The following PDE1B variants were observed in gnomAD, a reference collection of about 807,000 sequenced individuals.
The protein encoded by PDE1B is phosphodiesterase 1B.
Under a neutral mutation model 66.7 loss-of-function variants are expected in PDE1B, and 13 were observed. That is an observed-to-expected ratio of 0.19 (90% CI 0.13 to 0.31). The LOEUF (loss-of-function observed/expected upper bound fraction) is 0.31. PDE1B is among the 10% of genes least tolerant of loss of function. The probability of loss-of-function intolerance (pLI) is 1.00; values close to 1 mark genes in which losing one functional copy is unlikely to be tolerated. For synonymous variants in PDE1B, 230 were observed against 253.9 expected (o/e 0.91, Z 0.90); for missense variants, 485 against 682.3 (o/e 0.71, Z 3.22).
chr12:54,562,493 G>A (rs1382512355), intron 2 of PDE1B, among the ~76,000 whole-genome samples: 1 of 152,208 alleles, frequency 6.6e-6, no homozygotes, highest in East Asian at 1.9e-4. Flanking sequence ...GGACTGGACG[G>A]GGTTGAGCAT....
Position 54,575,728 on chromosome 12 carries a change from T to C in PDE1B, c.1267+96T>C. 2 of 949,238 alleles carry C rather than the reference T, an allele frequency of 2.1e-6. No homozygotes were observed. The highest frequency in any genetic ancestry group is 3.4e-6 in the Non-Finnish European group (2 of 587,908). The allele number at this position is 949,238 out of a possible 1,614,324, so 58.8% of individuals were successfully genotyped here. ...CCAAGTCCTCAATCCCCCCAAACCA[T>C]TCTTCCTGTAGAGGAAAGCCTACTG... On this transcript the variant is annotated intron_variant, in intron 12 of 15. Coordinates refer to ENST00000243052, the MANE Select transcript of PDE1B (RefSeq NM_000924.4). This position sits in a 1 kb window ranked among gnomAD's most constrained non-coding sequence, Gnocchi z 4.0.
intron 2 of PDE1B, chr12:54,561,588 G>T: frequency 6.5e-7 from 1 of 1,528,906 alleles, no homozygotes; most frequent in South Asian, 1.2e-5. Flanking sequence ...GATTCCCATG[G>T]CAAACCCTGT....
chr12:54,574,847 C>T lies in PDE1B; in HGVS notation c.1065-251C>T, dbSNP rs764634096. The T allele has an allele frequency of 4.9e-5, 14 of 288,194 alleles. 1 individual carries two copies. The highest frequency in any genetic ancestry group is 2.5e-4 in the Admixed American group (5 of 20,314). The allele number at this position is 288,194 out of a possible 1,614,324, so 17.9% of individuals were successfully genotyped here. ...AATTAGCTGGGTGTGGTGGCATGCACGCCTGTAGTCCCAGCTATTCGGGAG... is the reference window on the plus strand; with the variant it reads ...AATTAGCTGGGTGTGGTGGCATGCATGCCTGTAGTCCCAGCTATTCGGGAG... On this transcript the variant is annotated intron_variant, in intron 10 of 15. Coordinates refer to ENST00000243052, the MANE Select transcript of PDE1B (RefSeq NM_000924.4).
At chr12:54,561,166 C>A (rs1957404445) in intron 2 of PDE1B, among the ~76,000 whole-genome samples, 1 of 152,124 alleles carries the variant, frequency 6.6e-6, no homozygotes, top group Non-Finnish European at 1.5e-5. Flanking sequence ...CCGCTACAGA[C>A]CTCCTCTCTG....
chr12:54,573,868 AGAGTGTGTGTGTGT>A lies in PDE1B; in HGVS notation c.1064+161_1064+174del. The A allele has an allele frequency of 3.7e-6, 2 of 533,994 alleles. No homozygotes were observed. The highest frequency in any genetic ancestry group is 6.7e-6 in the Non-Finnish European group (2 of 298,990). The allele number at this position is 533,994 out of a possible 1,614,324, so 33.1% of individuals were successfully genotyped here. A position where few individuals can be genotyped will look rare whatever the true frequency, so the allele number is the denominator to read the frequency against. On this transcript the variant is annotated intron_variant, in intron 10 of 15. Transcript: ENST00000243052. The surrounding 1 kb of genome is among the most constrained non-coding windows in gnomAD (Gnocchi z 5.2). ...CTGCATCTCTATGTGAGAGAGAGAG[AGAGTGTGTGTGTGT>A]GTGTGTGTGTGTGTGTGTGTGTGTG...
intron 2 of PDE1B, among the ~76,000 whole-genome samples, chr12:54,563,870 C>T (rs1043896338): frequency 2.0e-5 from 3 of 151,980 alleles, no homozygotes; most frequent in Non-Finnish European, 2.9e-5. Flanking sequence ...GATTGGGTTG[C>T]GAACTGTGGC....
chr12:54,568,997 A>T, intron 3 of PDE1B, 187 bp from the exon 4 acceptor site: 1 of 972,788 alleles, frequency 1.0e-6, no homozygotes, highest in South Asian at 2.5e-5. Context: ...CCTCACATGG[A>T]GACCTGTTTC....
At chr12:54,552,063 T>C (rs1976823) in intron 2 of PDE1B, among the ~76,000 whole-genome samples, 127,693 of 152,256 alleles carry the variant, frequency 0.84, 53,882 homozygotes, top group Middle Eastern at 0.89. Flanking sequence ...TTCCCAGTCT[T>C]ACGTCCTTAA....
chr12:54,550,484 A>G (rs1422488058), intron 2 of PDE1B, among the ~76,000 whole-genome samples: 4 of 152,118 alleles, frequency 2.6e-5, no homozygotes, highest in Non-Finnish European at 5.9e-5. Context: ...CTCAGTTGGG[A>G]TTGGTAGTTT....
At chr12:54,562,652 T>C (rs1392457161) in intron 2 of PDE1B, among the ~76,000 whole-genome samples, 1 of 152,160 alleles carries the variant, frequency 6.6e-6, no homozygotes, top group African/African-American at 2.4e-5. Flanking sequence ...GGGGAGATCC[T>C]AACTCTAAAG....
At chr12:54,576,975 T>C (rs1332919425) in intron 14 of PDE1B, 3 of 605,212 alleles carry the variant, frequency 5.0e-6, no homozygotes, top group East Asian at 5.5e-5. Flanking sequence ...GGTGCCCCTG[T>C]AGATTTGGCT....
At chr12:54,554,375 T>G (rs1284799412) in intron 2 of PDE1B, 1 of 152,192 alleles carries the variant, frequency 6.6e-6, no homozygotes, top group African/African-American at 2.4e-5. Flanking sequence ...TTCTCATGCC[T>G]TGGTGGGGAC....
chr12:54,556,766 G>C (rs1015906187), intron 2 of PDE1B, among the ~76,000 whole-genome samples: 1 of 151,990 alleles, frequency 6.6e-6, no homozygotes, highest in African/African-American at 2.4e-5. Context: ...CAGCTGCAGT[G>C]AGAAGTCAGA....
At chr12:54,552,321 A>C (rs1050856671) in intron 2 of PDE1B, among the ~76,000 whole-genome samples, 1 of 152,226 alleles carries the variant, frequency 6.6e-6, no homozygotes, top group Non-Finnish European at 1.5e-5. Context: ...CCCTTTGGTC[A>C]AGGTGGGAAG....
chr12:54,574,937 T>C, intron 10 of PDE1B, 161 bp from the exon 11 acceptor site: 1 of 532,642 alleles, frequency 1.9e-6, no homozygotes, highest in Non-Finnish European at 3.2e-6. Flanking sequence ...ATTGTGCCAC[T>C]GCACTCCAGC....
At chr12:54,554,768 C>T (rs999925533) in intron 2 of PDE1B, among the ~76,000 whole-genome samples, 1 of 152,126 alleles carries the variant, frequency 6.6e-6, no homozygotes, top group Non-Finnish European at 1.5e-5. Flanking sequence ...ACAATTACAA[C>T]GGTGTAATCT....
intron 2 of PDE1B, among the ~76,000 whole-genome samples, chr12:54,550,432 A>G (rs1323414806): frequency 6.6e-6 from 1 of 152,216 alleles, no homozygotes; most frequent in Non-Finnish European, 1.5e-5. Flanking sequence ...CTGTAGATCT[A>G]CTGCATGGGA....
At chr12:54,576,440 TA>T (rs1303123625) in intron 13 of PDE1B, 130 bp from the exon 14 acceptor site, 1 of 1,022,990 alleles carries the variant, frequency 9.8e-7, no homozygotes, top group Non-Finnish European at 1.4e-6. Flanking sequence ...GAATATCTAG[TA>T]GAGGAAAAGA....
intron 2 of PDE1B, chr12:54,561,365 C>A (rs191694873): frequency 5.1e-6 from 4 of 785,870 alleles, no homozygotes; most frequent in African/African-American, 3.6e-5. Flanking sequence ...TTCCCGCAGC[C>A]TCCCCTCTCA....
Sources: allele counts gnomAD v4.1 joint callset (sites outside exome capture counted in the v4.1 genomes callset), GRCh38; gene constraint gnomAD v4.1.1; non-coding constraint Gnocchi (gnomAD v3.1); transcripts MANE v1.5; gene names NCBI Gene and HGNC (gene_info 2026-07-23, HGNC 2026-07-21).